ENOX1: variants seen among roughly 807,000 people sequenced by gnomAD.
ENOX1 encodes the protein ecto-NOX disulfide-thiol exchanger 1, also known as candidate growth-related and time keeping constitutive hydroquinone (NADH) oxidase.
In ENOX1, 42 loss-of-function variants were observed where a neutral mutation model predicts 82.5. The observed-to-expected ratio is 0.51, with a 90% CI of 0.40 to 0.66. The LOEUF is 0.66. Ranked by LOEUF, ENOX1 falls within the 30% of genes least tolerant of loss-of-function variation. ENOX1 has a pLI of 0.00. For synonymous variants in ENOX1, 271 were observed against 282.2 expected (o/e 0.96, Z 0.40); for missense variants, 608 against 811.6 (o/e 0.75, Z 3.05).
At chr13:43,720,782 A>T (rs2088520125) in intron 1 of ENOX1, among the ~76,000 whole-genome samples, 1 of 152,090 alleles carries the variant, frequency 6.6e-6, no homozygotes, top group African/African-American at 2.4e-5. Context: ...ACAGAATTCC[A>T]GTGGATCCAC....
intron 2 of ENOX1, among the ~76,000 whole-genome samples, chr13:43,567,930 G>C (rs1306929935): frequency 6.6e-6 from 1 of 152,140 alleles, no homozygotes; most frequent in Non-Finnish European, 1.5e-5. Context: ...GTGAATTCTA[G>C]CCAGACTGCT....
At chr13:43,285,089 C>A (rs9525756) in intron 12 of ENOX1, among the ~76,000 whole-genome samples, 23,674 of 152,058 alleles carry the variant, frequency 0.16, 2,164 homozygotes, top group Middle Eastern at 0.22. Context: ...AAAGTGAGGA[C>A]CAGATTGGGC....
intron 10 of ENOX1, among the ~76,000 whole-genome samples, chr13:43,324,068 G>A (rs2047966530): frequency 6.6e-6 from 1 of 152,170 alleles, no homozygotes; most frequent in Non-Finnish European, 1.5e-5. Context: ...ATTTGATTAT[G>A]CCACCCAGAA....
chr13:43,630,504 C>T (rs1228826390), intron 2 of ENOX1, among the ~76,000 whole-genome samples: 2 of 152,028 alleles, frequency 1.3e-5, no homozygotes, highest in East Asian at 3.9e-4. Context: ...ATACACAGTC[C>T]CCAGAAGGGT....
chr13:43,445,360 T>C (rs949360367), intron 3 of ENOX1, among the ~76,000 whole-genome samples: 4 of 152,138 alleles, frequency 2.6e-5, no homozygotes, highest in Admixed American at 6.5e-5. Flanking sequence ...CCTGACCTCG[T>C]GATCTGCCCG....
At chr13:43,700,677 C>T (rs879890226) in intron 1 of ENOX1, among the ~76,000 whole-genome samples, 12 of 152,032 alleles carry the variant, frequency 7.9e-5, no homozygotes, top group African/African-American at 2.7e-4. Context: ...ATATCAAACG[C>T]CCTTTAAATC....
intron 2 of ENOX1, among the ~76,000 whole-genome samples, chr13:43,607,850 TCTCTGATAAAAC>T (rs1203397028): frequency 6.6e-6 from 1 of 152,150 alleles, no homozygotes; most frequent in Non-Finnish European, 1.5e-5. Context: ...ATATAAGGAT[TCTCTGATAAAAC>T]CTCTGGTAGA....
intron 2 of ENOX1, among the ~76,000 whole-genome samples, chr13:43,620,352 T>G (rs1469127191): frequency 6.6e-6 from 1 of 152,138 alleles, no homozygotes; most frequent in East Asian, 1.9e-4. Flanking sequence ...TGTCAGTTTG[T>G]GCTCTTTCAG....
In ENOX1 at chr13:43,635,779, C is replaced by G. The variant is rs537628443; in HGVS notation, c.-219+31700G>C. ...ATAAAGGAGAGGGAGAGAGAGAGAGCGAGCGAGCACACACATGCACTGAAA... is the reference window on the plus strand; with the variant it reads ...ATAAAGGAGAGGGAGAGAGAGAGAGGGAGCGAGCACACACATGCACTGAAA... On this transcript the variant is annotated intron_variant, in intron 2 of 16. Coordinates refer to ENST00000690772, the MANE Select transcript of ENOX1 (RefSeq NM_001347969.2). Among the ~76,000 whole-genome samples the G allele has an allele frequency of 2.6e-5, 4 of 152,136 alleles. No individual in the cohort carries two copies. In the South Asian group the frequency reaches 8.3e-4, roughly 32 times the overall value.
chr13:43,249,454 T>A (rs1292083857), intron 14 of ENOX1, among the ~76,000 whole-genome samples: 1 of 152,220 alleles, frequency 6.6e-6, no homozygotes, highest in Non-Finnish European at 1.5e-5. Flanking sequence ...AAATACTTTT[T>A]AAAAATGTAT....
At chr13:43,398,295 C>T (rs914289862) in intron 5 of ENOX1, among the ~76,000 whole-genome samples, 37 of 152,100 alleles carry the variant, frequency 2.4e-4, no homozygotes, top group African/African-American at 8.7e-4. Flanking sequence ...AAAACTGCAT[C>T]GTAAGTAAGA....
chr13:43,225,872 AAAG>A (rs1379685760), intron 15 of ENOX1, among the ~76,000 whole-genome samples: 1 of 152,206 alleles, frequency 6.6e-6, no homozygotes, highest in Non-Finnish European at 1.5e-5. Flanking sequence ...CTCAGTTTTT[AAAG>A]ACTGACCTGT....
chr13:43,490,653 C>T (rs2076587570), intron 2 of ENOX1, among the ~76,000 whole-genome samples: 1 of 152,128 alleles, frequency 6.6e-6, no homozygotes, highest in Admixed American at 6.5e-5. Flanking sequence ...TGCTCTTCTG[C>T]CTTCTGCCAT....
chr13:43,270,399 C>T (rs993498295), intron 12 of ENOX1, among the ~76,000 whole-genome samples: 2 of 152,188 alleles, frequency 1.3e-5, no homozygotes. Flanking sequence ...AGACAGAGTG[C>T]ATTTCTTCTG....
At chr13:43,565,917 A>G (rs2079896754) in intron 2 of ENOX1, among the ~76,000 whole-genome samples, 1 of 152,200 alleles carries the variant, frequency 6.6e-6, no homozygotes, top group Admixed American at 6.6e-5. Flanking sequence ...CCACTGATGG[A>G]TAGAAAATGA....
chr13:43,586,751 T>A (rs2081005964), intron 2 of ENOX1, among the ~76,000 whole-genome samples: 1 of 152,114 alleles, frequency 6.6e-6, no homozygotes, highest in South Asian at 2.1e-4. Flanking sequence ...CTCCTGTGTT[T>A]TCAGTGAGCA....
At chr13:43,721,979 C>G (rs542083851) in intron 1 of ENOX1, among the ~76,000 whole-genome samples, 1 of 152,260 alleles carries the variant, frequency 6.6e-6, no homozygotes, top group Non-Finnish European at 1.5e-5. Context: ...GTTAAACAGA[C>G]CACACCTGGG....
intron 3 of ENOX1, among the ~76,000 whole-genome samples, chr13:43,470,410 A>ATATATG (rs2058019195): frequency 1.5e-5 from 2 of 132,146 alleles, no homozygotes; most frequent in Admixed American, 8.1e-5. Flanking sequence ...GTATATATAT[A>ATATATG]TATATATAAC....
intron 2 of ENOX1, among the ~76,000 whole-genome samples, chr13:43,513,623 T>G (rs2077452755): frequency 6.6e-6 from 1 of 152,146 alleles, no homozygotes; most frequent in East Asian, 1.9e-4. Context: ...CAACTATATA[T>G]CTATTCCACA....
Sources: gnomAD v4.1 joint callset for allele counts (sites outside exome capture counted in the v4.1 genomes callset) on GRCh38, gnomAD v4.1.1 for gene constraint, MANE v1.5 for transcripts, NCBI Gene and HGNC (gene_info 2026-07-23, HGNC 2026-07-21) for gene names.